The following ZFYVE21 variants were observed in gnomAD, a reference collection of about 807,000 sequenced individuals.
ZFYVE21 encodes zinc finger FYVE domain-containing protein 21.
A neutral mutation model predicts 29.5 loss-of-function variants in ZFYVE21; 21 were observed. The ratio of observed to expected loss-of-function variants is 0.71; its 90% confidence interval spans 0.50 to 1.02. The LOEUF (loss-of-function observed/expected upper bound fraction) is 1.02. Ranked by LOEUF, ZFYVE21 falls within the 50% of genes least tolerant of loss-of-function variation. ZFYVE21 has a pLI of 0.00. For synonymous variants in ZFYVE21, 151 were observed against 133.8 expected, an observed-to-expected ratio of 1.13 and a Z score of -0.89; for missense variants, 326 against 335.4, an observed-to-expected ratio of 0.97 and a Z score of 0.22.
intron 1 of ZFYVE21, among the ~76,000 whole-genome samples, chr14:103,718,981 GAGGGTCTCACAGGCC>G (rs1488893924): frequency 6.6e-6 from 1 of 152,216 alleles, no homozygotes; most frequent in East Asian, 1.9e-4. Flanking sequence ...TGAGTTCTGC[GAGGGTCTCACAGGCC>G]AGGCCGGACA....
intron 5 of ZFYVE21, chr14:103,730,807 G>A (rs916316631): frequency 6.6e-6 from 1 of 152,468 alleles, no homozygotes; most frequent in Admixed American, 6.5e-5. Context: ...CACGTGTGCT[G>A]TGGTGAAGGC....
intron 1 of ZFYVE21, among the ~76,000 whole-genome samples, chr14:103,720,980 G>A (rs906405498): frequency 2.0e-5 from 3 of 152,026 alleles, no homozygotes; most frequent in African/African-American, 4.8e-5. Context: ...CCGCCACCAC[G>A]CCCAGCTAAT....
chr14:103,721,165 A>T (rs541971727), intron 1 of ZFYVE21, among the ~76,000 whole-genome samples: 1 of 152,024 alleles, frequency 6.6e-6, no homozygotes, highest in South Asian at 2.1e-4. Flanking sequence ...TTGCTTACCC[A>T]CCGGGAAGCC....
At chr14:103,721,946 C>T (rs962604508) in intron 1 of ZFYVE21, among the ~76,000 whole-genome samples, 11 of 152,350 alleles carry the variant, frequency 7.2e-5, no homozygotes, top group Admixed American at 7.2e-4. Flanking sequence ...TGGCCACCTA[C>T]GGTGAAAACG....
At chr14:103,717,512 T>G (rs1418234039) in intron 1 of ZFYVE21, among the ~76,000 whole-genome samples, 1 of 152,248 alleles carries the variant, frequency 6.6e-6, no homozygotes, top group Non-Finnish European at 1.5e-5. Flanking sequence ...TTCCCCTCCT[T>G]CATTCTCTCT....
At chr14:103,724,747 T>C (rs1344346526) in intron 1 of ZFYVE21, 1 of 152,214 alleles carries the variant, frequency 6.6e-6, no homozygotes, top group Non-Finnish European at 1.5e-5. Flanking sequence ...CCGTCGCTGG[T>C]TCATTGAACC....
Position 103,723,494 on chromosome 14 carries a change from C to T in ZFYVE21, c.139-3298C>T, listed in dbSNP as rs529329972. On this transcript the variant is annotated intron_variant, in intron 1 of 6. Transcript: ENST00000311141. ...CCAAGTCCAGGAAGCAGCTTAAAAG[C>T]AAAGGGAAACAAAAAAAGGCTGGTC... Among the ~76,000 whole-genome samples, 18 of 152,254 alleles carry T rather than the reference C, an allele frequency of 1.2e-4. 1 individual carries two copies. The highest frequency in any genetic ancestry group is 4.1e-4 in the African/African-American group (17 of 41,538).
intron 3 of ZFYVE21, chr14:103,728,232 A>C (rs964817733): frequency 6.6e-6 from 2 of 302,878 alleles, no homozygotes; most frequent in Admixed American, 4.8e-5. Flanking sequence ...GGCGTTTGCA[A>C]CCACTGTGGC....
intron 3 of ZFYVE21, 122 bp downstream of exon 3, chr14:103,728,036 C>A: frequency 9.3e-7 from 1 of 1,080,222 alleles, no homozygotes; most frequent in Non-Finnish European, 1.3e-6. Context: ...CCCTCCCTCC[C>A]TTCCCCGTTT....
chr14:103,722,353 T>C (rs1050663119), intron 1 of ZFYVE21, among the ~76,000 whole-genome samples: 2 of 140,300 alleles, frequency 1.4e-5, no homozygotes, highest in African/African-American at 2.6e-5. Context: ...GTCTGTCTCT[T>C]TTTTTTTTTT....
In ZFYVE21 at chr14:103,727,889, C is replaced by G. The variant is rs750949062; in HGVS notation, c.333C>G (p.Asp111Glu). The change falls in exon 3 of 7, where the codon GAC becomes GAG. Residue 111 changes from aspartate to glutamate, a missense_variant. Asp to Glu is a conservative substitution (Grantham distance 45). Transcript: ENST00000311141. ...CCCTCAAGGAGGCGGAGTTCTACGA[C>G]AAGCAGCTCAAAGTGCTCCTGAGCG... Reference protein sequence around the residue: ...LVSLKEAEFYDKQLKVLLSGA... With the variant: ...LVSLKEAEFYEKQLKVLLSGA... The G allele has an allele frequency of 6.2e-7, 1 of 1,612,798 alleles. No individual in the cohort carries two copies. The highest frequency in any genetic ancestry group is 8.5e-7 in the Non-Finnish European group (1 of 1,179,568).
chr14:103,729,175 T>C lies in ZFYVE21; in HGVS notation c.519T>C (p.Pro173=), dbSNP rs915964984. Residue 173 remains proline (P), a synonymous_variant, in exon 5 of 7, where the codon CCT becomes CCC. Transcript: ENST00000311141. The stretch of plus-strand genomic sequence containing the variant: ...TGCAGATCCTCACAGAAGGCTTCCC[T>C]CCTGGAGGTAAATGCCAGCACGTCC... The part of the protein sequence containing the change: ...STVQILTEGF[P]PGGGNARATG... 1 of 1,613,966 alleles carries C rather than the reference T, an allele frequency of 6.2e-7. No homozygotes were observed. The highest frequency in any genetic ancestry group is 1.7e-5 in the Admixed American group (1 of 60,010).
intron 1 of ZFYVE21, chr14:103,724,479 T>C (rs1442506559): frequency 6.6e-6 from 1 of 152,296 alleles, no homozygotes; most frequent in African/African-American, 2.4e-5. Context: ...CCACCTCCAG[T>C]CTGCCTCCTT....
Position 103,729,134 on chromosome 14 carries a change from G to A in ZFYVE21, c.478G>A (p.Val160Ile). ...DGDSHYEIEI[V>I]HISTVQILTE... ...AGACAGCCACTATGAAATCGAAATT[G>A]TACACATTTCCACCGTGCAGATCCT... Residue 160 changes from valine (V) to isoleucine (I), a missense_variant, in exon 5 of 7, where the codon GTA (valine) becomes ATA (isoleucine). Physicochemically the swap from Val to Ile is conservative, Grantham distance 29. Coordinates refer to ENST00000311141, the MANE Select transcript of ZFYVE21 (RefSeq NM_024071.4). 6.2e-7 allele frequency: 1 copy of A among 1,614,060 alleles called. No individual in the cohort carries two copies.
chr14:103,726,124 C>G (rs1595690832), intron 1 of ZFYVE21: 3 of 152,328 alleles, frequency 2.0e-5, no homozygotes, highest in Admixed American at 6.5e-5. Flanking sequence ...CGTCCCCAGG[C>G]CTGGCGCCCG....
chr14:103,720,706 C>T lies in ZFYVE21; in HGVS notation c.138+4727C>T, dbSNP rs116492089. Among the ~76,000 whole-genome samples the T allele has an allele frequency of 5.4e-3, 825 of 152,316 alleles. 13 individuals are homozygous for T. Among genetic ancestry groups the T allele is most frequent in the African/African-American group, 0.019 (782 of 41,568 alleles). On this transcript the variant is annotated intron_variant, in intron 1 of 6. Transcript: ENST00000311141. ...CTGGTTCTGAGGAGCTGCCCTGTGA[C>T]CCTCGAGGGGCCGTTCCTGTTGCAT...
intron 5 of ZFYVE21, chr14:103,729,914 C>G (rs1383808916): frequency 1.3e-6 from 2 of 1,508,670 alleles, no homozygotes; most frequent in African/African-American, 2.8e-5. Flanking sequence ...CGCCACCTGG[C>G]TTCTGTCCAC....
Position 103,728,938 on chromosome 14 carries a change from C to A in ZFYVE21, c.389C>A (p.Ser130Ter). 1 of 1,614,072 alleles carries A rather than the reference C, an allele frequency of 6.2e-7. No individual in the cohort carries two copies. Among genetic ancestry groups the A allele is most frequent in the Non-Finnish European group, 8.5e-7 (1 of 1,180,034 alleles). ...GATFLVTFGN[S>*]EKPETMTCRL... ...ACCTTCCTCGTCACGTTTGGAAACT[C>A]AGAGAAACCTGAAACTATGACTTGT... Residue 130 changes from serine (S) to a stop codon, truncating the protein, a stop_gained, in exon 4 of 7, where the codon TCA (serine) becomes TAA (stop). Coordinates refer to ENST00000311141, the MANE Select transcript of ZFYVE21 (RefSeq NM_024071.4). LOFTEE classifies it high-confidence loss of function.
chr14:103,730,980 G>C (rs1201582833), intron 5 of ZFYVE21: 1 of 152,446 alleles, frequency 6.6e-6, no homozygotes, highest in Non-Finnish European at 1.5e-5. Flanking sequence ...GGGGGTGGGG[G>C]TGCGTGCCCT....
Sources: allele counts gnomAD v4.1 joint callset (sites outside exome capture counted in the v4.1 genomes callset), GRCh38; gene constraint gnomAD v4.1.1; transcripts MANE v1.5; gene names NCBI Gene and HGNC (gene_info 2026-07-23, HGNC 2026-07-21).